The following ZFYVE26 variants were observed in gnomAD, a reference collection of about 807,000 sequenced individuals.
ZFYVE26 encodes zinc finger FYVE domain-containing protein 26.
In ZFYVE26, 181 loss-of-function variants were observed where a neutral mutation model predicts 276.5. That is an observed-to-expected ratio of 0.65 (90% confidence interval 0.58 to 0.74). The LOEUF (loss-of-function observed/expected upper bound fraction) is 0.74, where lower values mean the gene tolerates loss of function less well. ZFYVE26 is among the 30% of genes least tolerant of loss of function. The pLI, the probability that ZFYVE26 is intolerant of heterozygous loss-of-function variation, is 0.00. For synonymous variants in ZFYVE26, 1,129 were observed against 1,203.1 expected (o/e 0.94, Z 1.27); for missense variants, 2,821 against 3,097.9 (o/e 0.91, Z 2.12).
Position 67,804,294 on chromosome 14 carries a change from G to A in ZFYVE26, c.1272-30C>T, listed in dbSNP as rs565108481. The stretch of plus-strand genomic sequence containing the variant: ...ATGGAAAAGTTGGGAGGATGGAAGA[G>A]AGGCAGTTTATATTATTGCTCGAAG... On this transcript the variant is annotated intron_variant, in intron 8 of 41. Transcript: ENST00000347230. 113 of 1,612,880 alleles carry A rather than the reference G, an allele frequency of 7.0e-5. No homozygotes were observed. In the South Asian group the frequency reaches 1.1e-3, roughly 16 times the overall value.
chr14:67,736,309 A>G (rs763127272), intron 13 of ZFYVE26, among the ~76,000 whole-genome samples: 7 of 152,204 alleles, frequency 4.6e-5, no homozygotes, highest in Non-Finnish European at 8.8e-5. Flanking sequence ...GGGTATTGAA[A>G]CGTCTCTTCT....
At position 67,775,996 on chromosome 14, in the gene ZFYVE26, A is replaced by T. The variant is rs769752761; in HGVS notation, c.5085T>A (p.Thr1695=). 1.9e-6 allele frequency: 3 copies of T among 1,614,110 alleles called. No individual in the cohort carries two copies. The highest frequency in any genetic ancestry group is 2.5e-6 in the Non-Finnish European group (3 of 1,180,048). ...GCTGCTGGAGAGTCTGCACAGCCAC[A>T]GTGGCCCAATCCACCTTCATGTTCA... ...LLMNMKVDWA[T]VAVQTLQQLL... The change falls in exon 26 of 42, where the codon ACT becomes ACA. Residue 1695 remains threonine, a synonymous_variant. Coordinates refer to ENST00000347230, the MANE Select transcript of ZFYVE26 (RefSeq NM_015346.4).
At chr14:67,791,567 T>C (rs185047037) in intron 14 of ZFYVE26, among the ~76,000 whole-genome samples, 149 of 152,212 alleles carry the variant, frequency 9.8e-4, no homozygotes, top group African/African-American at 3.5e-3. Flanking sequence ...TTAAAAGTAA[T>C]TTTATTTTCT....
intron 35 of ZFYVE26, chr14:67,760,948 C>A: frequency 2.3e-6 from 1 of 435,816 alleles, no homozygotes; most frequent in East Asian, 4.2e-5. Flanking sequence ...CTTGTAGTAA[C>A]AACTCTGAAT....
chr14:67,767,998 C>A (rs968414283), intron 30 of ZFYVE26, among the ~76,000 whole-genome samples, 158 bp from the exon 31 acceptor site: 1 of 152,206 alleles, frequency 6.6e-6, no homozygotes, highest in Non-Finnish European at 1.5e-5. Flanking sequence ...GGACACCCCA[C>A]TAAGCACCTC....
rs2040160593 is a variant in ZFYVE26 at position 67,805,445 on chromosome 14, G to A, written c.1182+9C>T. On this transcript the variant is annotated intron_variant, in intron 7 of 41. Transcript: ENST00000347230. ...TCCAGAGCAGCCTGGGATGCTGAGT[G>A]AGAGTTACCTGGGTCCTGTGCAGGG... The A allele has an allele frequency of 6.2e-7, 1 of 1,614,088 alleles. No individual in the cohort carries two copies. Among genetic ancestry groups the A allele is most frequent in the Admixed American group, 1.7e-5 (1 of 60,010 alleles).
chr14:67,767,680 A>C (rs748233635), intron 31 of ZFYVE26, 24 bp downstream of exon 31: 1 of 1,614,070 alleles, frequency 6.2e-7, no homozygotes, highest in Non-Finnish European at 8.5e-7. Flanking sequence ...AACTTAAGTG[A>C]CCATTGCATT....
intron 35 of ZFYVE26, chr14:67,760,917 C>T: frequency 2.8e-6 from 1 of 351,770 alleles, no homozygotes; most frequent in Non-Finnish European, 5.3e-6. Flanking sequence ...ATAGGATTGG[C>T]ACCATGGTTA....
At chr14:67,815,042 G>C (rs2040374224) in intron 2 of ZFYVE26, among the ~76,000 whole-genome samples, 1 of 152,216 alleles carries the variant, frequency 6.6e-6, no homozygotes, top group South Asian at 2.1e-4. Context: ...GGTTGCCAGG[G>C]AACAAGGAGG....
At chr14:67,797,267 G>A (rs1369426180) in intron 12 of ZFYVE26, 1 of 301,918 alleles carries the variant, frequency 3.3e-6, no homozygotes, top group Admixed American at 4.7e-5. Flanking sequence ...CTACAGCACT[G>A]TTTATAATGG....
At chr14:67,751,029 C>CCA in intron 41 of ZFYVE26, 23 bp downstream of exon 41, 1 of 1,614,080 alleles carries the variant, frequency 6.2e-7, no homozygotes, top group African/African-American at 1.3e-5. Context: ...GCATCACCAG[C>CCA]GTTTGGAGAC....
At chr14:67,741,930 C>A (rs951890967), downstream of ZFYVE26, among the ~76,000 whole-genome samples, 4 of 152,244 alleles carry the variant, frequency 2.6e-5, no homozygotes, top group Admixed American at 6.5e-5. Context: ...TAGCCACAAC[C>A]TCCTACTCCT....
intron 27 of ZFYVE26, 63 bp downstream of exon 27, chr14:67,774,953 A>T: frequency 1.8e-6 from 2 of 1,112,256 alleles, no homozygotes; most frequent in Non-Finnish European, 2.6e-6. Flanking sequence ...AAAAATTCTG[A>T]AGGATAGAAT....
At chr14:67,756,929 G>T (rs75791192) in intron 35 of ZFYVE26, among the ~76,000 whole-genome samples, 2,315 of 152,264 alleles carry the variant, frequency 0.015, 42 homozygotes, top group African/African-American at 0.044. Flanking sequence ...ATTCCTGCTT[G>T]TTTCTTGAAA....
intron 13 of ZFYVE26, among the ~76,000 whole-genome samples, chr14:67,733,381 T>TGTA (rs373314440): frequency 6.6e-6 from 1 of 152,236 alleles, no homozygotes; most frequent in East Asian, 1.9e-4. Context: ...GGCACTGAAC[T>TGTA]GTAGTAGTAG....
At position 67,766,447 on chromosome 14, in the gene ZFYVE26, C is replaced by T. The variant is rs527964320; in HGVS notation, c.5791G>A (p.Ala1931Thr). 20 of 1,611,904 alleles carry T rather than the reference C, an allele frequency of 1.2e-5. No homozygotes were observed. Among genetic ancestry groups the T allele is most frequent in the Non-Finnish European group, 1.7e-5 (20 of 1,179,884 alleles). ...LVRSEFYYEQ[A>T]PSASLCIAIL... ...GCAATGCACAAGGAGGCGCTGGGGG[C>T]CTGGCCGGGGTGGAAGAAGGGAGAA... Residue 1931 changes from alanine (A) to threonine (T), a missense_variant and splice_region_variant, in exon 32 of 42, where the codon GCC becomes ACC. By Grantham distance (58) the Ala-to-Thr change is moderately conservative. Coordinates refer to ENST00000347230, the MANE Select transcript of ZFYVE26 (RefSeq NM_015346.4).
At chr14:67,756,240 A>G (rs1246844641) in intron 35 of ZFYVE26, 95 bp from the exon 36 acceptor site, 5 of 1,265,278 alleles carry the variant, frequency 4.0e-6, no homozygotes, top group Non-Finnish European at 4.6e-6. Flanking sequence ...ATGAACCTTC[A>G]GCATCCTCCC....
In ZFYVE26 at chr14:67,789,405, C is replaced by A; in HGVS notation, c.2949G>T (p.Gln983His). 1.2e-6 allele frequency: 2 copies of A among 1,614,208 alleles called. No individual in the cohort carries two copies. Among genetic ancestry groups the A allele is most frequent in the Non-Finnish European group, 1.7e-6 (2 of 1,180,038 alleles). ...AAAGCTGCTTGCAGGTTTTCCAGAG[C>A]TGGCACTGAGAGCAAGCTAGGTCAA... ...AAFDLACSQC[Q>H]LWKTCKQLLE... Residue 983 changes from glutamine to histidine, a missense_variant, in exon 16 of 42, where the codon CAG becomes CAT. Coordinates refer to ENST00000347230, the MANE Select transcript of ZFYVE26 (RefSeq NM_015346.4).
rs1295871755 is a variant in ZFYVE26 at position 67,807,675 on chromosome 14, A to G, written c.609T>C (p.Ala203=). Residue 203 remains alanine (A), a synonymous_variant, in exon 5 of 42, where the codon GCT becomes GCC. Transcript: ENST00000347230. The part of the protein sequence containing the change: ...LVDLIRKALR[A]LQGPDSVPPG... ...GGGGCACCGAATCAGGGCCCTGCAAAGCCCGCAATGCCTTTCGAATGAGGT... is the reference window on the plus strand; with the variant it reads ...GGGGCACCGAATCAGGGCCCTGCAAGGCCCGCAATGCCTTTCGAATGAGGT... 3 of 1,614,182 alleles carry G rather than the reference A, an allele frequency of 1.9e-6. No individual in the cohort carries two copies. Among genetic ancestry groups the G allele is most frequent in the South Asian group, 2.2e-5 (2 of 91,086 alleles).
Sources: gnomAD v4.1 joint callset for allele counts (sites outside exome capture counted in the v4.1 genomes callset) on GRCh38, gnomAD v4.1.1 for gene constraint, MANE v1.5 for transcripts, NCBI Gene and HGNC (gene_info 2026-07-23, HGNC 2026-07-21) for gene names.